Variants in FSHR observed in about 807,000 individuals in gnomAD.
The protein encoded by FSHR is follicle stimulating hormone receptor.
FSHR carries 46 observed loss-of-function variants against 52.1 expected under a neutral mutation model. That is an observed-to-expected ratio of 0.88 (90% CI 0.70 to 1.13). FSHR has a LOEUF of 1.13. FSHR is among the 50% of genes most tolerant of loss of function. The pLI is 0.00. For missense variants in FSHR, 964 were observed against 834.6 expected, an observed-to-expected ratio of 1.16 and a Z score of -1.91; for synonymous variants, 399 against 309.6, an observed-to-expected ratio of 1.29 and a Z score of -3.03.
chr2:49,019,964 C>T lies in FSHR; in HGVS notation c.299+122G>A, dbSNP rs915531258. 14 of 888,686 alleles carry T rather than the reference C, an allele frequency of 1.6e-5. No individual in the cohort carries two copies. In the African/African-American group the frequency reaches 2.3e-4, roughly 15 times the overall value. 55.1% of individuals were successfully genotyped at this position (888,686 alleles called of 1,614,324 possible). A position where few individuals can be genotyped will look rare whatever the true frequency, so the allele number is the denominator to read the frequency against. ...GTGCCTTTTAGGCTGATTTTGACATCTTATAATGACAATCTAGGGATCTGA... is the reference window on the plus strand; with the variant it reads ...GTGCCTTTTAGGCTGATTTTGACATTTTATAATGACAATCTAGGGATCTGA... On this transcript the variant is annotated intron_variant, in intron 3 of 9. Coordinates refer to ENST00000406846, the MANE Select transcript of FSHR (RefSeq NM_000145.4).
chr2:49,042,947 C>T (rs1472687676), intron 2 of FSHR, among the ~76,000 whole-genome samples: 1 of 152,056 alleles, frequency 6.6e-6, no homozygotes, highest in South Asian at 2.1e-4. Flanking sequence ...ACATTGACAA[C>T]ACCTTAGGAA....
chr2:48,982,449 T>A (rs1156968663), intron 8 of FSHR, among the ~76,000 whole-genome samples: 1 of 152,172 alleles, frequency 6.6e-6, no homozygotes, highest in Non-Finnish European at 1.5e-5. Context: ...TGATGGAGAA[T>A]TGTGCTTTCC....
rs776096094 is a variant in FSHR at position 48,997,793 on chromosome 2, G to A, written c.375-7156C>T. Among the ~76,000 whole-genome samples, 4 of 152,112 alleles carry A rather than the reference G, an allele frequency of 2.6e-5. No homozygotes were observed. In the South Asian group the frequency reaches 6.2e-4, roughly 24 times the overall value. The stretch of plus-strand genomic sequence containing the variant: ...TTACATCTCCCTAGTTCTCTTGGGT[G>A]CTCAAATGCTGTTTCCTTGCCTGAG... On this transcript the variant is annotated intron_variant, in intron 4 of 9. Transcript: ENST00000406846.
chr2:49,022,830 A>G (rs532450931), intron 2 of FSHR, among the ~76,000 whole-genome samples: 7 of 152,262 alleles, frequency 4.6e-5, no homozygotes, highest in South Asian at 2.1e-4. Context: ...GCAGAAGACA[A>G]TTTTCAGAGA....
chr2:49,017,357 C>T (rs1667523630), intron 4 of FSHR, 132 bp downstream of exon 4: 1 of 665,682 alleles, frequency 1.5e-6, no homozygotes, highest in Non-Finnish European at 2.7e-6. Context: ...TATCTCTCCA[C>T]CTCCACTTCT....
intron 1 of FSHR, among the ~76,000 whole-genome samples, chr2:49,109,380 G>T (rs1047133132): frequency 2.0e-5 from 3 of 152,154 alleles, no homozygotes; most frequent in African/African-American, 7.2e-5. Context: ...TCTCATTTAA[G>T]TGTTTTATCT....
chr2:49,024,961 G>T (rs924175226), intron 2 of FSHR, among the ~76,000 whole-genome samples: 4 of 152,136 alleles, frequency 2.6e-5, no homozygotes, highest in African/African-American at 9.7e-5. Context: ...CCCTCACTAG[G>T]CTAAGAACTG....
At chr2:49,099,030 G>A (rs925625970) in intron 1 of FSHR, among the ~76,000 whole-genome samples, 2 of 151,676 alleles carry the variant, frequency 1.3e-5, no homozygotes, top group African/African-American at 4.8e-5. Context: ...GAAGAAAGAA[G>A]AATCACACAT....
chr2:49,115,477 C>T (rs908267601), intron 1 of FSHR, among the ~76,000 whole-genome samples: 9 of 151,986 alleles, frequency 5.9e-5, no homozygotes, highest in South Asian at 2.1e-4. Flanking sequence ...GTTGTTAATT[C>T]GGAATAAGTG....
chr2:49,133,849 G>GA (rs1672388105), intron 1 of FSHR, among the ~76,000 whole-genome samples: 1 of 152,148 alleles, frequency 6.6e-6, no homozygotes, highest in Non-Finnish European at 1.5e-5. Flanking sequence ...ATGGTACTGG[G>GA]AAAATTGGCT....
In FSHR at chr2:49,138,761, G is replaced by A. The variant is rs181576617; in HGVS notation, c.152+15505C>T. Reference sequence around the variant, plus strand: ...ATGATAAAAATGTTTTAAAATTGACGGTGATGGTTGCACATATCTGTGAAT... The same window carrying A: ...ATGATAAAAATGTTTTAAAATTGACAGTGATGGTTGCACATATCTGTGAAT... On this transcript the variant is annotated intron_variant, in intron 1 of 9. Coordinates refer to ENST00000406846, the MANE Select transcript of FSHR (RefSeq NM_000145.4). Among the ~76,000 whole-genome samples the A allele has an allele frequency of 3.9e-3, 601 of 152,234 alleles. 6 individuals carry two copies. The highest frequency in any genetic ancestry group is 0.013 in the African/African-American group (552 of 41,538).
chr2:48,962,666 G>A lies in FSHR; in HGVS notation c.*67C>T. On this transcript the variant is annotated 3_prime_UTR_variant, in exon 10 of 10. Coordinates refer to ENST00000406846, the MANE Select transcript of FSHR (RefSeq NM_000145.4). ...TGTGTAGAAGCACTGTCAGCTCTTTGTGACATACCCTTCAAAGGCAAGACT... is the reference window on the plus strand; with the variant it reads ...TGTGTAGAAGCACTGTCAGCTCTTTATGACATACCCTTCAAAGGCAAGACT... 6.7e-7 allele frequency: 1 copy of A among 1,485,034 alleles called. No individual in the cohort carries two copies. The highest frequency in any genetic ancestry group is 9.4e-7 in the Non-Finnish European group (1 of 1,064,868). 92.0% of individuals were successfully genotyped at this position (1,485,034 alleles called of 1,614,324 possible).
rs1037819227 is a variant in FSHR at position 48,968,895 on chromosome 2, A to C, written c.669-12T>G. ...TTCTTGAAATATCTCTATAAAGAGA[A>C]AAGGTAAATATAACAGGATTACTAT... On this transcript the variant is annotated splice_polypyrimidine_tract_variant and intron_variant, in intron 8 of 9. Transcript: ENST00000406846. 1.9e-6 allele frequency: 3 copies of C among 1,611,128 alleles called. No individual in the cohort carries two copies. In the African/African-American group the frequency reaches 4.0e-5, roughly 22 times the overall value.
intron 2 of FSHR, among the ~76,000 whole-genome samples, chr2:49,048,957 G>A (rs1365442827): frequency 6.6e-6 from 1 of 152,022 alleles, no homozygotes; most frequent in East Asian, 1.9e-4. Context: ...CAGCCCAGAT[G>A]GATGTGGTTG....
intron 9 of FSHR, among the ~76,000 whole-genome samples, chr2:48,965,222 C>T (rs1035848637): frequency 2.0e-5 from 3 of 152,016 alleles, no homozygotes; most frequent in Non-Finnish European, 4.4e-5. Context: ...GCCAGGTGTT[C>T]CAACCTATTA....
At chr2:49,082,112 C>A (rs1033776550) in intron 1 of FSHR, among the ~76,000 whole-genome samples, 1 of 152,200 alleles carries the variant, frequency 6.6e-6, no homozygotes, top group Non-Finnish European at 1.5e-5. Context: ...TCCATCTGAG[C>A]TTTGAAGAGA....
intron 1 of FSHR, among the ~76,000 whole-genome samples, chr2:49,133,031 T>TCCC (rs1315909757): frequency 1.4e-5 from 2 of 138,668 alleles, no homozygotes; most frequent in African/African-American, 5.5e-5. Flanking sequence ...GACCGCTTGC[T>TCCC]CCCTCTCCTC....
intron 1 of FSHR, among the ~76,000 whole-genome samples, chr2:49,146,910 T>G (rs1672892015): frequency 6.6e-6 from 1 of 152,034 alleles, no homozygotes. Flanking sequence ...CTGTGCATTC[T>G]TGATGGTTTC....
Position 49,000,700 on chromosome 2 carries a change from C to T in FSHR, c.375-10063G>A, listed in dbSNP as rs547837040. On this transcript the variant is annotated intron_variant, in intron 4 of 9. Transcript: ENST00000406846. ...AGATTTTTCCCTTCCTATTCCTGTA[C>T]CATGGAAAGGGTGGGGGCTGCTTGC... Among the ~76,000 whole-genome samples, 10 of 152,182 alleles carry T rather than the reference C, an allele frequency of 6.6e-5. No individual in the cohort carries two copies. The East Asian group carries it at 1.9e-3, about 29-fold the overall frequency.
Sources: gnomAD v4.1 joint callset for allele counts (sites outside exome capture counted in the v4.1 genomes callset) on GRCh38, gnomAD v4.1.1 for gene constraint, MANE v1.5 for transcripts, NCBI Gene and HGNC (gene_info 2026-07-23, HGNC 2026-07-21) for gene names.